Variants in USP25 observed in about 807,000 individuals in gnomAD.
The protein encoded by USP25 is ubiquitin carboxyl-terminal hydrolase 25.
USP25 carries 85 observed loss-of-function variants against 158.5 expected under a neutral mutation model. The ratio of observed to expected loss-of-function variants is 0.54; its 90% confidence interval spans 0.45 to 0.64. The LOEUF is 0.64. Among genes scored for constraint, USP25 ranks in the 30% least tolerant of loss-of-function variants. USP25 has a pLI of 0.00. For missense variants in USP25, 1,242 were observed against 1,327.3 expected, an observed-to-expected ratio of 0.94 and a Z score of 1.00; for synonymous variants, 464 against 460.4, an observed-to-expected ratio of 1.01 and a Z score of -0.10.
At position 15,816,501 on chromosome 21, in the gene USP25, T is replaced by TG. The variant is rs1462576751; in HGVS notation, c.932-2196dup. On this transcript the variant is annotated intron_variant, in intron 9 of 25. Coordinates refer to ENST00000400183, the MANE Select transcript of USP25 (RefSeq NM_001283041.3). This position sits in a 1 kb window ranked among gnomAD's most constrained non-coding sequence, Gnocchi z 4.0. The stretch of plus-strand genomic sequence containing the variant: ...TCTGGCTTTTGTAACACCATATTCT[T>TG]GTGGCTTTTTTCCTGCCTCAGTGGG... Among the ~76,000 whole-genome samples, 4 of 152,184 alleles carry TG rather than the reference T, an allele frequency of 2.6e-5. No homozygotes were observed. The highest frequency in any genetic ancestry group is 9.7e-5 in the African/African-American group (4 of 41,436).
intron 20 of USP25, among the ~76,000 whole-genome samples, chr21:15,853,286 T>C (rs1358432750): frequency 6.6e-6 from 1 of 151,164 alleles, no homozygotes; most frequent in Non-Finnish European, 1.5e-5. Context: ...CACATACACA[T>C]GTGTACACAT....
At chr21:15,793,745 A>G (rs1028443748) in intron 5 of USP25, among the ~76,000 whole-genome samples, 2 of 151,654 alleles carry the variant, frequency 1.3e-5, no homozygotes, top group African/African-American at 4.8e-5. Context: ...CAGATTGTGG[A>G]AAATGATGAG....
chr21:15,740,226 G>A (rs976285395), intron 1 of USP25, among the ~76,000 whole-genome samples: 1 of 152,162 alleles, frequency 6.6e-6, no homozygotes, highest in Non-Finnish European at 1.5e-5. Flanking sequence ...AATAAGAATC[G>A]CAGATTATTC....
chr21:15,745,473 C>CTTTTTT (rs11284817), intron 1 of USP25, among the ~76,000 whole-genome samples: 462 of 112,974 alleles, frequency 4.1e-3, no homozygotes, highest in Non-Finnish European at 5.1e-3. Flanking sequence ...TTTTTCTTTT[C>CTTTTTT]TTTTTTTTTT....
At chr21:15,810,422 C>T (rs2036600323) in intron 8 of USP25, among the ~76,000 whole-genome samples, 1 of 152,078 alleles carries the variant, frequency 6.6e-6, no homozygotes, top group African/African-American at 2.4e-5. Context: ...CAACGCATTT[C>T]TATACAGTAA....
At chr21:15,861,955 A>C (rs764791987) in intron 20 of USP25, among the ~76,000 whole-genome samples, 1 of 152,134 alleles carries the variant, frequency 6.6e-6, no homozygotes, top group Non-Finnish European at 1.5e-5. Flanking sequence ...TAAATTCAGC[A>C]AAATCAAGAG....
intron 3 of USP25, among the ~76,000 whole-genome samples, chr21:15,773,770 A>G (rs1206791398): frequency 6.6e-6 from 1 of 152,194 alleles, no homozygotes; most frequent in African/African-American, 2.4e-5. Flanking sequence ...AAACGGAGAA[A>G]AGCTTAGGCT....
intron 3 of USP25, among the ~76,000 whole-genome samples, chr21:15,775,047 G>C (rs770873473): frequency 1.3e-5 from 2 of 152,178 alleles, no homozygotes; most frequent in Non-Finnish European, 2.9e-5. Flanking sequence ...AAGGCAGAAA[G>C]ACCACTGGAT....
chr21:15,757,923 TATTA>T (rs1310228576), intron 1 of USP25, among the ~76,000 whole-genome samples: 3 of 152,216 alleles, frequency 2.0e-5, no homozygotes, highest in South Asian at 4.1e-4. Flanking sequence ...ACTTTGTGGT[TATTA>T]ATTTGTGTAT....
At chr21:15,807,046 C>G (rs1433774933) in intron 7 of USP25, among the ~76,000 whole-genome samples, 1 of 152,100 alleles carries the variant, frequency 6.6e-6, no homozygotes, top group Non-Finnish European at 1.5e-5. Flanking sequence ...ACCTCAGTCT[C>G]CCAAGTAGCT....
intron 16 of USP25, 83 bp downstream of exon 16, chr21:15,831,712 C>A: frequency 9.0e-7 from 1 of 1,113,646 alleles, no homozygotes; most frequent in Non-Finnish European, 1.3e-6. Context: ...AAGTGTAATT[C>A]ACTCAGACGA....
chr21:15,818,569 C>T, intron 9 of USP25, 129 bp from the exon 10 acceptor site: 3 of 770,506 alleles, frequency 3.9e-6, no homozygotes, highest in East Asian at 2.7e-5. Context: ...AAAATTAACA[C>T]TAACACTTCT....
intron 1 of USP25, among the ~76,000 whole-genome samples, chr21:15,750,868 TCC>T: frequency 6.6e-6 from 1 of 151,446 alleles, no homozygotes; most frequent in African/African-American, 2.4e-5. Context: ...CGCCTCCGCC[TCC>T]GCCTCCCAAA....
chr21:15,787,538 C>G (rs2035347449), intron 4 of USP25, among the ~76,000 whole-genome samples: 1 of 152,022 alleles, frequency 6.6e-6, no homozygotes, highest in Non-Finnish European at 1.5e-5. Flanking sequence ...GATTAAATAT[C>G]ATTAAGACAC....
chr21:15,774,972 C>T (rs1333943993), intron 3 of USP25, among the ~76,000 whole-genome samples: 1 of 152,106 alleles, frequency 6.6e-6, no homozygotes, highest in Non-Finnish European at 1.5e-5. Flanking sequence ...GGACTTTCCT[C>T]CCTTTTTTCA....
chr21:15,853,097 G>T (rs559218125), intron 20 of USP25, among the ~76,000 whole-genome samples: 1 of 152,172 alleles, frequency 6.6e-6, no homozygotes, highest in East Asian at 1.9e-4. Flanking sequence ...ACCATTCTTA[G>T]CACTGTGTAT....
chr21:15,860,385 C>T (rs11909513), intron 20 of USP25, among the ~76,000 whole-genome samples: 2,736 of 152,196 alleles, frequency 0.018, 71 homozygotes, highest in African/African-American at 0.062. Context: ...GAACTCCTGA[C>T]TTCAGGTGAT....
chr21:15,870,190 A>C (rs112248607), intron 23 of USP25, 43 bp downstream of exon 23: 2 of 1,438,230 alleles, frequency 1.4e-6, no homozygotes, highest in Non-Finnish European at 1.9e-6. Context: ...TAATTTTTGC[A>C]CTTAATTCTA....
At chr21:15,834,041 C>T (rs1048732434) in intron 17 of USP25, among the ~76,000 whole-genome samples, 13 of 152,122 alleles carry the variant, frequency 8.5e-5, no homozygotes, top group African/African-American at 2.2e-4. Context: ...TGATGTTTTT[C>T]GGAATTCTTA....
Sources: gnomAD v4.1 joint callset for allele counts (sites outside exome capture counted in the v4.1 genomes callset) on GRCh38, gnomAD v4.1.1 for gene constraint, Gnocchi (gnomAD v3.1) non-coding constraint, MANE v1.5 for transcripts, NCBI Gene and HGNC (gene_info 2026-07-23, HGNC 2026-07-21) for gene names.